The following CFAP74 variants were observed in gnomAD, a reference collection of about 807,000 sequenced individuals.
CFAP74 encodes cilia- and flagella-associated protein 74.
In CFAP74, 124 loss-of-function variants were observed where a neutral mutation model predicts 188.9. The ratio of observed to expected loss-of-function variants is 0.66; its 90% CI spans 0.57 to 0.76. The LOEUF is 0.76. Ranked by LOEUF, CFAP74 falls within the 30% of genes least tolerant of loss-of-function variation. The pLI, the probability that CFAP74 is intolerant of heterozygous loss-of-function variation, is 0.00. For missense variants in CFAP74, 2,198 were observed against 2,165.2 expected (o/e 1.02, Z -0.30); for synonymous variants, 956 against 916.7 (o/e 1.04, Z -0.77).
In CFAP74 at chr1:1,968,405, C is replaced by G. The variant is rs1655631946; in HGVS notation, c.1245+230G>C. ...CACCGAGACCAGGAGGACACTGGAC[C>G]CTTGCTGGGGATGCTGCGGCCATGG... is the stretch of plus-strand genomic sequence containing the variant. On this transcript the variant is annotated intron_variant, in intron 11 of 38. Transcript: ENST00000682832. This position sits in a 1 kb window ranked among gnomAD's most constrained non-coding sequence, Gnocchi z 4.3. Among the ~76,000 whole-genome samples, 1 of 152,030 alleles carries G rather than the reference C, an allele frequency of 6.6e-6. No individual in the cohort carries two copies. The highest frequency in any genetic ancestry group is 2.1e-4 in the South Asian group (1 of 4,822).
chr1:1,923,320 G>A lies in CFAP74; in HGVS notation c.4522+47C>T. The A allele has an allele frequency of 2.0e-6, 3 of 1,531,460 alleles. No individual in the cohort carries two copies. Among genetic ancestry groups the A allele is most frequent in the Non-Finnish European group, 2.6e-6 (3 of 1,133,384 alleles). 94.9% of individuals were successfully genotyped at this position (1,531,460 alleles called of 1,614,324 possible). On this transcript the variant is annotated intron_variant, in intron 36 of 38. Coordinates refer to ENST00000682832, the MANE Select transcript of CFAP74 (RefSeq NM_001304360.2). This position sits in a 1 kb window ranked among gnomAD's most constrained non-coding sequence, Gnocchi z 6.3. ...TCGGGGCCCCCATCCACGGGACAGG[G>A]GCACCGGGAGGCCCCGTGTCTGTTC...
chr1:1,998,601 GCGGTGGCT>G (rs1658038499), intron 1 of CFAP74, among the ~76,000 whole-genome samples: 1 of 152,162 alleles, frequency 6.6e-6, no homozygotes, highest in African/African-American at 2.4e-5. Flanking sequence ...TAGCCTGGGC[GCGGTGGCT>G]CACGCCTGTA....
At chr1:1,929,907 C>A (rs1652225410) in intron 26 of CFAP74, among the ~76,000 whole-genome samples, 153 bp downstream of exon 26, 1 of 152,082 alleles carries the variant, frequency 6.6e-6, no homozygotes, top group South Asian at 2.1e-4. Context: ...CCTTCCTCGG[C>A]CCTGCTCGGG....
intron 18 of CFAP74, chr1:1,954,112 T>C (rs886761659): frequency 1.2e-4 from 19 of 152,286 alleles, no homozygotes; most frequent in African/African-American, 4.6e-4. Context: ...GCAATCTCAC[T>C]GGTGATCTGG....
rs753113904 is a variant in CFAP74 at position 1,926,938 on chromosome 1, A to C, written c.3618T>G (p.Ser1206Arg). 8 of 1,550,122 alleles carry C rather than the reference A, an allele frequency of 5.2e-6. No homozygotes were observed. The African/African-American group carries it at 1.1e-4, about 21-fold the overall frequency. ...DTFVVPCVVA[S>R]GDIKDRKGSE... Reference sequence around the variant, plus strand: ...ACCCCTTCCTGTCTTTGATGTCGCCACTGGCAACAACACAGGGAACTACAA... The same window carrying C: ...ACCCCTTCCTGTCTTTGATGTCGCCCCTGGCAACAACACAGGGAACTACAA... The change falls in exon 29 of 39, where the codon AGT becomes AGG. Residue 1206 changes from serine (S) to arginine (R), a missense_variant. Ser to Arg is a moderately radical substitution (Grantham distance 110). Coordinates refer to ENST00000682832, the MANE Select transcript of CFAP74 (RefSeq NM_001304360.2).
At chr1:1,969,302 CCAGCCCTGCA>C in intron 10 of CFAP74, among the ~76,000 whole-genome samples, 1 of 141,354 alleles carries the variant, frequency 7.1e-6, no homozygotes, top group Non-Finnish European at 1.6e-5. Flanking sequence ...CCTTCCCAGC[CCAGCCCTGCA>C]CTGCCCAGCC....
intron 25 of CFAP74, among the ~76,000 whole-genome samples, chr1:1,930,613 G>A (rs2102034917): frequency 6.6e-6 from 1 of 152,338 alleles, no homozygotes; most frequent in Admixed American, 6.5e-5. Context: ...CTGGAGTGCA[G>A]TGGCACTACG....
chr1:1,926,105 G>T, intron 32 of CFAP74, 123 bp downstream of exon 32: 1 of 1,421,020 alleles, frequency 7.0e-7, no homozygotes, highest in Non-Finnish European at 9.3e-7. Context: ...GGGCCAGGCT[G>T]CTCGCAGACC....
chr1:1,968,724 T>A lies in CFAP74; in HGVS notation c.1156A>T (p.Arg386Trp). 6.2e-7 allele frequency: 1 copy of A among 1,614,108 alleles called. No individual in the cohort carries two copies. Among genetic ancestry groups the A allele is most frequent in the South Asian group, 1.1e-5 (1 of 91,078 alleles). The change falls in exon 11 of 39, where the codon AGG becomes TGG. Residue 386 changes from arginine to tryptophan, a missense_variant. Transcript: ENST00000682832. The surrounding 1 kb of genome is among the most constrained non-coding windows in gnomAD (Gnocchi z 4.3). Reference sequence around the variant, plus strand: ...TTGTCCCTCAGGGTCAGCCGGTGCCTGGCACTGGTGGGGGGATGCTGTTTC... The same window carrying A: ...TTGTCCCTCAGGGTCAGCCGGTGCCAGGCACTGGTGGGGGGATGCTGTTTC... ...RKKQHPPTSA[R>W]HRLTLRDKTW...
Position 1,923,809 on chromosome 1 carries a change from A to G in CFAP74, c.4355T>C (p.Phe1452Ser). ...GAGCACCACCTGGAGCTTGTCGGAG[A>G]AGTAGAGGCTTTCGTGGTCGGGGCT... Reference protein sequence around the residue: ...TFSPDHESLYFSDKLQVVLFE... With the variant: ...TFSPDHESLYSSDKLQVVLFE... The change falls in exon 35 of 39, where the codon TTC (phenylalanine) becomes TCC (serine). Residue 1452 changes from phenylalanine (F) to serine (S), a missense_variant. Transcript: ENST00000682832. The surrounding 1 kb of genome is among the most constrained non-coding windows in gnomAD (Gnocchi z 6.3). 1 of 1,613,386 alleles carries G rather than the reference A, an allele frequency of 6.2e-7. No homozygotes were observed. Among genetic ancestry groups the G allele is most frequent in the Middle Eastern group, 1.7e-4 (1 of 6,058 alleles).
At chr1:1,991,880 A>AT (rs1268168739) in intron 1 of CFAP74, among the ~76,000 whole-genome samples, 28 of 151,284 alleles carry the variant, frequency 1.9e-4, no homozygotes, top group South Asian at 4.2e-4. Flanking sequence ...TCTACTAAAA[A>AT]ACAGAAAAAA....
At chr1:2,002,006 G>A (rs948076668) in intron 1 of CFAP74, among the ~76,000 whole-genome samples, 4 of 152,294 alleles carry the variant, frequency 2.6e-5, no homozygotes, top group Admixed American at 1.3e-4. Flanking sequence ...ATCCTTCCAC[G>A]CTGGGGCCCT....
chr1:1,925,986 A>G (rs759380366), intron 32 of CFAP74, 48 bp from the exon 33 acceptor site: 6 of 1,525,754 alleles, frequency 3.9e-6, no homozygotes, highest in Non-Finnish European at 5.3e-6. Flanking sequence ...TGCTGGAGCC[A>G]CGAGGGGAGC....
At chr1:1,943,739 T>C (rs922747768) in intron 21 of CFAP74, among the ~76,000 whole-genome samples, 2 of 152,160 alleles carry the variant, frequency 1.3e-5, no homozygotes, top group African/African-American at 2.4e-5. Flanking sequence ...GCTGAAAGGA[T>C]TTGCCCCAAG....
intron 18 of CFAP74, among the ~76,000 whole-genome samples, chr1:1,947,976 A>G (rs1041433955): frequency 3.3e-5 from 5 of 151,846 alleles, no homozygotes; most frequent in Non-Finnish European, 5.9e-5. Context: ...GGGTTCAAGT[A>G]ATTCTCCTGC....
intron 25 of CFAP74, among the ~76,000 whole-genome samples, chr1:1,936,336 G>T (rs1217259702): frequency 1.3e-5 from 2 of 150,452 alleles, no homozygotes; most frequent in Non-Finnish European, 3.0e-5. Context: ...ACAAGGTCAA[G>T]AGATCGAGAC....
At chr1:1,996,174 G>A (rs1570999447) in intron 1 of CFAP74, among the ~76,000 whole-genome samples, 1 of 151,970 alleles carries the variant, frequency 6.6e-6, no homozygotes, top group African/African-American at 2.4e-5. Flanking sequence ...TAATAGAGAC[G>A]GAGTTTCATC....
At chr1:1,955,666 G>T in intron 18 of CFAP74, 25 bp downstream of exon 18, 1 of 1,604,748 alleles carries the variant, frequency 6.2e-7, no homozygotes, top group Non-Finnish European at 8.5e-7. Flanking sequence ...CGCCCACCCT[G>T]GCTTGGCCTG....
Position 1,924,560 on chromosome 1 carries a change from G to C in CFAP74, c.4105-40C>G, listed in dbSNP as rs750281482. 3.3e-5 allele frequency: 52 copies of C among 1,573,284 alleles called. 1 individual carries two copies. In the East Asian group the frequency reaches 1.0e-3, roughly 31 times the overall value. ...CCGCGGTCACTGCCCGCCAGCCCCT[G>C]CCTGGCTGCCCCCTTCCTGTCGTCG... is the stretch of plus-strand genomic sequence containing the variant. On this transcript the variant is annotated intron_variant, in intron 33 of 38. Coordinates refer to ENST00000682832, the MANE Select transcript of CFAP74 (RefSeq NM_001304360.2).
Sources: gnomAD v4.1 joint callset for allele counts (sites outside exome capture counted in the v4.1 genomes callset) on GRCh38, gnomAD v4.1.1 for gene constraint, Gnocchi (gnomAD v3.1) non-coding constraint, MANE v1.5 for transcripts, NCBI Gene and HGNC (gene_info 2026-07-23, HGNC 2026-07-21) for gene names.